The following CFAP299 variants were observed in gnomAD, a reference collection of about 807,000 sequenced individuals.
CFAP299 encodes cilia- and flagella-associated protein 299.
A neutral mutation model predicts 27.0 loss-of-function variants in CFAP299; 21 were observed. That is an observed-to-expected ratio of 0.78 (90% CI 0.55 to 1.12). The LOEUF (loss-of-function observed/expected upper bound fraction) is 1.12. CFAP299 is among the 50% of genes most tolerant of loss of function. The pLI, the probability that CFAP299 is intolerant of heterozygous loss-of-function variation, is 0.00. For synonymous variants in CFAP299, 104 were observed against 98.1 expected (o/e 1.06, Z -0.36); for missense variants, 310 against 276.6 (o/e 1.12, Z -0.86).
chr4:80,458,075 A>G (rs1379434017), intron 2 of CFAP299, among the ~76,000 whole-genome samples: 1 of 152,152 alleles, frequency 6.6e-6, no homozygotes, highest in Admixed American at 6.6e-5. Context: ...ACAGCTCTGA[A>G]TGCTCAGTTT....
chr4:80,511,826 C>G (rs1456440364), intron 2 of CFAP299, among the ~76,000 whole-genome samples: 2 of 152,074 alleles, frequency 1.3e-5, no homozygotes, highest in East Asian at 3.9e-4. Flanking sequence ...CATAAAATAA[C>G]AGGCCCTCTT....
chr4:80,823,888 A>G (rs1729840684), intron 3 of CFAP299, among the ~76,000 whole-genome samples: 1 of 152,192 alleles, frequency 6.6e-6, no homozygotes, highest in South Asian at 2.1e-4. Flanking sequence ...AATGTTAATG[A>G]TAGATTCTAT....
chr4:80,389,996 T>C (rs751832408), intron 2 of CFAP299, among the ~76,000 whole-genome samples: 3 of 152,162 alleles, frequency 2.0e-5, no homozygotes, highest in Non-Finnish European at 4.4e-5. Flanking sequence ...CATAGATTTA[T>C]TGAGGTATAA....
At chr4:80,783,482 A>G (rs1727051567) in intron 3 of CFAP299, among the ~76,000 whole-genome samples, 1 of 152,198 alleles carries the variant, frequency 6.6e-6, no homozygotes, top group South Asian at 2.1e-4. Flanking sequence ...CCATTATTAC[A>G]TAATTATAAT....
chr4:80,814,143 G>A (rs1019739158), intron 3 of CFAP299, among the ~76,000 whole-genome samples: 5 of 151,974 alleles, frequency 3.3e-5, no homozygotes, highest in Non-Finnish European at 7.4e-5. Flanking sequence ...AAAGCTCTAA[G>A]TAGAAGACTA....
intron 4 of CFAP299, among the ~76,000 whole-genome samples, chr4:80,934,631 A>T (rs1032344146): frequency 6.6e-6 from 1 of 151,066 alleles, no homozygotes; most frequent in Non-Finnish European, 1.5e-5. Flanking sequence ...GTTAGGTTGG[A>T]TGGTTCCAGG....
intron 3 of CFAP299, among the ~76,000 whole-genome samples, chr4:80,631,195 A>G (rs951820614): frequency 6.6e-6 from 1 of 152,072 alleles, no homozygotes; most frequent in Non-Finnish European, 1.5e-5. Flanking sequence ...GTATTTATAA[A>G]AGTTGCCAAG....
chr4:80,861,869 G>T (rs1028989825), intron 3 of CFAP299, among the ~76,000 whole-genome samples: 2 of 151,982 alleles, frequency 1.3e-5, no homozygotes, highest in African/African-American at 4.8e-5. Flanking sequence ...TTATTGAACT[G>T]TCTTAGAAGT....
At chr4:80,935,403 G>A (rs1406223521) in intron 4 of CFAP299, among the ~76,000 whole-genome samples, 1 of 151,924 alleles carries the variant, frequency 6.6e-6, no homozygotes, top group Admixed American at 6.6e-5. Flanking sequence ...CTCAGAAGAA[G>A]GGCCACACAC....
chr4:80,519,142 T>G (rs1389874185), intron 2 of CFAP299, among the ~76,000 whole-genome samples: 1 of 151,960 alleles, frequency 6.6e-6, no homozygotes, highest in Non-Finnish European at 1.5e-5. Context: ...TAGAAAGCAC[T>G]CTGTTAATAT....
chr4:80,574,323 A>G (rs1735740211), intron 2 of CFAP299, among the ~76,000 whole-genome samples: 1 of 152,120 alleles, frequency 6.6e-6, no homozygotes, highest in African/African-American at 2.4e-5. Flanking sequence ...ACATTACTGA[A>G]TTTGTTTATC....
At chr4:80,456,316 T>C (rs1458270190) in intron 2 of CFAP299, among the ~76,000 whole-genome samples, 2 of 152,050 alleles carry the variant, frequency 1.3e-5, no homozygotes, top group Non-Finnish European at 2.9e-5. Flanking sequence ...CAGAGGAGTG[T>C]CCAGATATCT....
At chr4:80,500,559 G>A (rs1199136216) in intron 2 of CFAP299, among the ~76,000 whole-genome samples, 1 of 152,086 alleles carries the variant, frequency 6.6e-6, no homozygotes, top group African/African-American at 2.4e-5. Flanking sequence ...CTTTTCATTT[G>A]TTGGAATAAC....
At chr4:80,468,223 C>CT (rs113555359) in intron 2 of CFAP299, among the ~76,000 whole-genome samples, 29,470 of 143,704 alleles carry the variant, frequency 0.21, 3,069 homozygotes, top group South Asian at 0.32. Flanking sequence ...GTTATAATTT[C>CT]TTTTTTTTTT....
rs186870502 is a variant in CFAP299 at position 80,945,669 on chromosome 4, C to T, written c.606+730C>T. The stretch of plus-strand genomic sequence containing the variant: ...CACATGAAAGTGTCAGTCTAAAATC[C>T]AAAAGCAAGAAAAAGATTCTTTCAT... On this transcript the variant is annotated intron_variant, in intron 5 of 5. Transcript: ENST00000358105. Among the ~76,000 whole-genome samples, 19 of 151,608 alleles carry T rather than the reference C, an allele frequency of 1.3e-4. No individual in the cohort carries two copies. The East Asian group carries it at 2.9e-3, about 23-fold the overall frequency.
At chr4:80,804,727 C>G (rs1017386588) in intron 3 of CFAP299, among the ~76,000 whole-genome samples, 3 of 152,098 alleles carry the variant, frequency 2.0e-5, no homozygotes, top group Non-Finnish European at 2.9e-5. Flanking sequence ...AATTAAATGT[C>G]TCTTTCCATC....
chr4:80,382,307 C>T (rs759383776), intron 2 of CFAP299, among the ~76,000 whole-genome samples: 3 of 152,114 alleles, frequency 2.0e-5, no homozygotes, highest in Non-Finnish European at 4.4e-5. Context: ...TGTCAGTCAA[C>T]AGCAATTGCA....
At chr4:80,577,847 TA>T (rs558034390) in intron 2 of CFAP299, among the ~76,000 whole-genome samples, 102 of 152,286 alleles carry the variant, frequency 6.7e-4, no homozygotes, top group African/African-American at 2.4e-3. Flanking sequence ...CTCTTGAAAA[TA>T]AGTTTCTACT....
intron 3 of CFAP299, among the ~76,000 whole-genome samples, chr4:80,741,587 G>C (rs1038016139): frequency 6.6e-6 from 1 of 152,072 alleles, no homozygotes; most frequent in Non-Finnish European, 1.5e-5. Context: ...TTTACTCTTT[G>C]CTCTCCTCTT....
Sources: gnomAD v4.1 joint callset for allele counts (sites outside exome capture counted in the v4.1 genomes callset) on GRCh38, gnomAD v4.1.1 for gene constraint, MANE v1.5 for transcripts, NCBI Gene and HGNC (gene_info 2026-07-23, HGNC 2026-07-21) for gene names.